Variants in CNTN6 observed in about 807,000 individuals in gnomAD.
CNTN6 encodes the protein contactin-6.
Under a neutral mutation model 122.8 loss-of-function variants are expected in CNTN6, and 137 were observed. That is an observed-to-expected ratio of 1.12 (90% CI 0.97 to 1.29). The LOEUF is 1.29. Ranked by LOEUF, CNTN6 falls within the 50% of genes most tolerant of loss-of-function variation. The pLI, the probability that CNTN6 is intolerant of heterozygous loss-of-function variation, is 0.00. For missense variants in CNTN6, 1,634 were observed against 1,223.4 expected (o/e 1.34, Z -5.01); for synonymous variants, 570 against 426.0 (o/e 1.34, Z -4.16).
At chr3:1,293,238 C>G (rs114854669) in intron 5 of CNTN6, among the ~76,000 whole-genome samples, 2,800 of 152,056 alleles carry the variant, frequency 0.018, 97 homozygotes, top group African/African-American at 0.064. Context: ...TCTTTCCTTC[C>G]TTCCACATTT....
intron 2 of CNTN6, among the ~76,000 whole-genome samples, chr3:1,205,055 G>T (rs2125446929): frequency 6.6e-6 from 1 of 152,218 alleles, no homozygotes; most frequent in Non-Finnish European, 1.5e-5. Flanking sequence ...AAGGGCCAGA[G>T]GAAAATGTAA....
intron 12 of CNTN6, among the ~76,000 whole-genome samples, chr3:1,358,523 A>G (rs1292886370): frequency 6.6e-6 from 1 of 151,600 alleles, no homozygotes; most frequent in Non-Finnish European, 1.5e-5. Flanking sequence ...GAAGCAAGCT[A>G]TGTTTTCAGT....
At chr3:1,325,574 G>A (rs1701417088) in intron 8 of CNTN6, among the ~76,000 whole-genome samples, 1 of 151,756 alleles carries the variant, frequency 6.6e-6, no homozygotes, top group South Asian at 2.1e-4. Context: ...TGTTATACAG[G>A]TGGAGCAAAA....
intron 1 of CNTN6, among the ~76,000 whole-genome samples, chr3:1,145,846 C>A (rs756484112): frequency 6.6e-6 from 1 of 152,092 alleles, no homozygotes; most frequent in Non-Finnish European, 1.5e-5. Context: ...AATATCATTC[C>A]AAAGACTTTG....
At position 1,227,939 on chromosome 3, in the gene CNTN6, G is replaced by A; in HGVS notation, c.304G>A (p.Ala102Thr). The change falls in exon 4 of 23, where the codon GCC becomes ACC. Residue 102 changes from alanine to threonine, a missense_variant. Ala to Thr is a moderately conservative substitution (Grantham distance 58). Transcript: ENST00000446702. The part of the protein sequence containing the change: ...DQDIGMYQCL[A>T]TNLLGTILSR... Reference sequence around the variant, plus strand: ...AGATATTGGCATGTACCAGTGCCTGGCCACCAATCTTCTGGGGACAATTCT... The same window carrying A: ...AGATATTGGCATGTACCAGTGCCTGACCACCAATCTTCTGGGGACAATTCT... The A allele has an allele frequency of 6.2e-7, 1 of 1,613,974 alleles. No homozygotes were observed. The highest frequency in any genetic ancestry group is 8.5e-7 in the Non-Finnish European group (1 of 1,179,942).
At position 1,153,673 on chromosome 3, in the gene CNTN6, A is replaced by G. The variant is rs2092898727; in HGVS notation, c.55+5610A>G. On this transcript the variant is annotated intron_variant, in intron 2 of 22. Transcript: ENST00000446702. ...AAAGGGACATTGGAAAGTATTTATG[A>G]TTGCTTGAATTTCACTCTATTTCAA... Among the ~76,000 whole-genome samples the G allele has an allele frequency of 2.0e-5, 3 of 152,248 alleles. 1 individual carries two copies. The South Asian group carries it at 6.2e-4, about 32-fold the overall frequency.
intron 20 of CNTN6, among the ~76,000 whole-genome samples, chr3:1,394,009 G>C (rs574347860): frequency 6.6e-6 from 1 of 152,152 alleles, no homozygotes; most frequent in East Asian, 1.9e-4. Context: ...TAAGCACTGG[G>C]TGGATCTGAT....
intron 4 of CNTN6, among the ~76,000 whole-genome samples, chr3:1,237,435 C>G (rs537580826): frequency 2.0e-5 from 3 of 152,002 alleles, no homozygotes; most frequent in Non-Finnish European, 4.4e-5. Context: ...AATTGGTGTT[C>G]CCGAGGAAGA....
chr3:1,206,151 G>A (rs989196838), intron 2 of CNTN6, among the ~76,000 whole-genome samples: 1 of 152,010 alleles, frequency 6.6e-6, no homozygotes, highest in African/African-American at 2.4e-5. Context: ...AAGTTTTCCT[G>A]ATATGTCCTA....
At chr3:1,229,317 C>T (rs1278129984) in intron 4 of CNTN6, among the ~76,000 whole-genome samples, 2 of 152,094 alleles carry the variant, frequency 1.3e-5, no homozygotes, top group Non-Finnish European at 2.9e-5. Context: ...AGACTTTGAA[C>T]GATTCTGCCA....
intron 4 of CNTN6, among the ~76,000 whole-genome samples, chr3:1,231,390 T>C (rs921803557): frequency 4.6e-5 from 7 of 152,198 alleles, no homozygotes; most frequent in African/African-American, 1.7e-4. Context: ...TGAATGGCCT[T>C]ATGAACAACC....
chr3:1,237,819 A>G (rs2094439793), intron 4 of CNTN6, among the ~76,000 whole-genome samples: 1 of 152,162 alleles, frequency 6.6e-6, no homozygotes, highest in Non-Finnish European at 1.5e-5. Flanking sequence ...AAATGAAGGA[A>G]AGACACAGTC....
chr3:1,385,586 G>T (rs1220288737), intron 19 of CNTN6, 25 bp from the exon 20 acceptor site: 11 of 1,553,212 alleles, frequency 7.1e-6, no homozygotes, highest in South Asian at 1.2e-5. Context: ...ACAATAAATT[G>T]CTTGTTTTGG....
At chr3:1,166,312 A>G (rs949954451) in intron 2 of CNTN6, among the ~76,000 whole-genome samples, 8 of 152,148 alleles carry the variant, frequency 5.3e-5, no homozygotes, top group African/African-American at 1.9e-4. Context: ...CACTTGCCCA[A>G]TGTCATTCAG....
At chr3:1,168,001 G>A (rs943690603) in intron 2 of CNTN6, among the ~76,000 whole-genome samples, 1 of 152,062 alleles carries the variant, frequency 6.6e-6, no homozygotes, top group African/African-American at 2.4e-5. Context: ...CCGCCTCCTG[G>A]GTTCAAGCAC....
chr3:1,393,772 C>G (rs1694593327), intron 20 of CNTN6, among the ~76,000 whole-genome samples: 1 of 151,970 alleles, frequency 6.6e-6, no homozygotes, highest in South Asian at 2.1e-4. Context: ...TGGATTGAAA[C>G]TTGAACACTG....
intron 3 of CNTN6, among the ~76,000 whole-genome samples, chr3:1,224,283 A>C (rs549130928): frequency 6.6e-6 from 1 of 152,236 alleles, no homozygotes; most frequent in Non-Finnish European, 1.5e-5. Context: ...CAGGAAGGGA[A>C]AGGGGACAGG....
At chr3:1,268,742 G>A (rs981636938) in intron 4 of CNTN6, among the ~76,000 whole-genome samples, 2 of 151,922 alleles carry the variant, frequency 1.3e-5, no homozygotes, top group African/African-American at 2.4e-5. Context: ...AGGCACAGAA[G>A]TAAGTCCTGA....
At chr3:1,219,186 GA>G (rs979172863) in intron 2 of CNTN6, among the ~76,000 whole-genome samples, 1 of 151,772 alleles carries the variant, frequency 6.6e-6, no homozygotes, top group Admixed American at 6.6e-5. Flanking sequence ...TAATTATAAA[GA>G]AAAAAAAGAT....
Sources: allele counts gnomAD v4.1 joint callset (sites outside exome capture counted in the v4.1 genomes callset), GRCh38; gene constraint gnomAD v4.1.1; transcripts MANE v1.5; gene names NCBI Gene and HGNC (gene_info 2026-07-23, HGNC 2026-07-21).